ZSWIM2: variants seen among roughly 807,000 people sequenced by gnomAD.
The protein encoded by ZSWIM2 is E3 ubiquitin-protein ligase ZSWIM2.
Under a neutral mutation model 48.4 loss-of-function variants are expected in ZSWIM2, and 38 were observed. The observed-to-expected ratio is 0.79, with a 90% confidence interval of 0.61 to 1.03. The LOEUF (loss-of-function observed/expected upper bound fraction) is 1.03, where lower values mean the gene tolerates loss of function less well. Ranked by LOEUF, ZSWIM2 falls within the 50% of genes least tolerant of loss-of-function variation. The pLI is 0.00. For missense variants in ZSWIM2, 776 were observed against 730.2 expected, an observed-to-expected ratio of 1.06 and a Z score of -0.72; for synonymous variants, 240 against 251.3, an observed-to-expected ratio of 0.96 and a Z score of 0.42.
rs779646591 is a variant in ZSWIM2, at chr2:186,844,732, G to A, written c.268C>T (p.Pro90Ser). The stretch of plus-strand genomic sequence containing the variant: ...CAAAACTTACATTCATGGTTCCTTG[G>A]AAGCTTGAATTTTTTCAACAAGACC... ...CWVLLKKFKL[P>S]RNHESALQLG... Residue 90 changes from proline to serine, a missense_variant, in exon 3 of 9, where the codon CCA becomes TCA. By Grantham distance (74) the Pro-to-Ser change is moderately conservative (BLOSUM62 -1). Transcript: ENST00000295131. The A allele has an allele frequency of 3.2e-6, 5 of 1,557,570 alleles. No individual in the cohort carries two copies. The Admixed American group carries it at 1.0e-4, about 31-fold the overall frequency.
intron 4 of ZSWIM2, 79 bp from the exon 5 acceptor site, chr2:186,837,633 A>G: frequency 2.5e-6 from 1 of 399,382 alleles, no homozygotes; most frequent in Non-Finnish European, 3.5e-6. Flanking sequence ...TATATATTAT[A>G]TATATATTTA....
At chr2:186,841,712 T>C (rs1691905388) in intron 3 of ZSWIM2, among the ~76,000 whole-genome samples, 1 of 151,260 alleles carries the variant, frequency 6.6e-6, no homozygotes, top group African/African-American at 2.4e-5. Context: ...AGAGATTATA[T>C]AGCATGAAAA....
chr2:186,846,703 C>T (rs1372409850), intron 2 of ZSWIM2, among the ~76,000 whole-genome samples: 2 of 151,522 alleles, frequency 1.3e-5, no homozygotes, highest in Admixed American at 6.6e-5. Context: ...GCACTATTCA[C>T]AACAGCAAAG....
Position 186,829,752 on chromosome 2 carries a change from G to A in ZSWIM2, c.1070C>T (p.Thr357Ile), listed in dbSNP as rs1411492801. 2 of 1,613,354 alleles carry A rather than the reference G, an allele frequency of 1.2e-6. No homozygotes were observed. The highest frequency in any genetic ancestry group is 1.7e-6 in the Non-Finnish European group (2 of 1,179,718). ...CLKAFHLGQH[T>I]RLLPCTHKFH... Reference sequence around the variant, plus strand: ...CTTGTGAGTACATGGTAGCAATCTTGTATGTTGACCAAGATGAAATGCCTT... The same window carrying A: ...CTTGTGAGTACATGGTAGCAATCTTATATGTTGACCAAGATGAAATGCCTT... Residue 357 changes from threonine to isoleucine, a missense_variant, in exon 8 of 9, where the codon ACA becomes ATA. Physicochemically the swap from Thr to Ile is moderately conservative, Grantham distance 89. Transcript: ENST00000295131.
rs551740603 is a variant in ZSWIM2 at position 186,839,707 on chromosome 2, C to T, written c.284-538G>A. Among the ~76,000 whole-genome samples the T allele has an allele frequency of 2.0e-5, 3 of 151,830 alleles. No individual in the cohort carries two copies. In the South Asian group the frequency reaches 6.2e-4, roughly 31 times the overall value. On this transcript the variant is annotated intron_variant, in intron 3 of 8. Coordinates refer to ENST00000295131, the MANE Select transcript of ZSWIM2 (RefSeq NM_182521.3). ...CGTGTCTCATTAGTCTTATCCTCAA[C>T]AGATTTGGTCAGTGTTTCTCAGGAC...
intron 2 of ZSWIM2, among the ~76,000 whole-genome samples, chr2:186,847,085 T>C (rs557465202): frequency 2.6e-5 from 4 of 151,990 alleles, no homozygotes; most frequent in African/African-American, 4.8e-5. Flanking sequence ...ATGTTCACTA[T>C]TGGGGTGATT....
rs773455746 is a variant in ZSWIM2, at chr2:186,828,599, A to G, written c.1287T>C (p.Thr429=). ...GTCTATTTTGTTTTAAGACTAATCC[A>G]GTACCAGGAATAAAAAGATCTGGTT... The part of the protein sequence containing the change: ...QKEPDLFIPG[T]GLVLKQNRLG... The change falls in exon 9 of 9, where the codon ACT becomes ACC. Residue 429 remains threonine (T), a synonymous_variant. Coordinates refer to ENST00000295131, the MANE Select transcript of ZSWIM2 (RefSeq NM_182521.3). 4.5e-5 allele frequency: 72 copies of G among 1,612,836 alleles called. No homozygotes were observed. The African/African-American group carries it at 9.4e-4, about 21-fold the overall frequency.
chr2:186,847,218 T>C (rs1195028546), intron 2 of ZSWIM2, among the ~76,000 whole-genome samples: 1 of 152,178 alleles, frequency 6.6e-6, no homozygotes, highest in Non-Finnish European at 1.5e-5. Flanking sequence ...AAGTGATTCA[T>C]AGTCAAATGT....
chr2:186,837,859 T>G (rs1300896146), intron 4 of ZSWIM2, among the ~76,000 whole-genome samples: 1 of 150,990 alleles, frequency 6.6e-6, no homozygotes, highest in Non-Finnish European at 1.5e-5. Context: ...AAAGTGAGAA[T>G]GAATATAGGC....
chr2:186,836,718 T>G (rs1053514332), intron 5 of ZSWIM2, among the ~76,000 whole-genome samples: 2 of 152,148 alleles, frequency 1.3e-5, no homozygotes, highest in Non-Finnish European at 2.9e-5. Flanking sequence ...TAATTTATGT[T>G]TTATCGTGAG....
Position 186,828,406 on chromosome 2 carries a change from G to T in ZSWIM2, c.1480C>A (p.Pro494Thr). ...GTGGGTAAATCTTGAAGATACCTGG[G>T]AAAATGTTGGCTAATTTTATAATCA... ...TYDYKISQHF[P>T]RYLQDLPTVS... The change falls in exon 9 of 9, where the codon CCC becomes ACC. Residue 494 changes from proline to threonine, a missense_variant. Coordinates refer to ENST00000295131, the MANE Select transcript of ZSWIM2 (RefSeq NM_182521.3). The T allele has an allele frequency of 6.2e-7, 1 of 1,613,542 alleles. No individual in the cohort carries two copies. The highest frequency in any genetic ancestry group is 8.5e-7 in the Non-Finnish European group (1 of 1,179,758).
Position 186,828,357 on chromosome 2 carries a change from G to A in ZSWIM2, c.1529C>T (p.Ser510Phe), listed in dbSNP as rs531631995. 1 of 1,613,790 alleles carries A rather than the reference G, an allele frequency of 6.2e-7. No individual in the cohort carries two copies. Among genetic ancestry groups the A allele is most frequent in the Admixed American group, 1.7e-5 (1 of 59,948 alleles). Reference sequence around the variant, plus strand: ...AACAATAGGAGGAAGCAGTGTTTGAGATGGTATTTTCCCAAATGACACAGT... The same window carrying A: ...AACAATAGGAGGAAGCAGTGTTTGAAATGGTATTTTCCCAAATGACACAGT... ...LPTVSFGKIPSQTLLPPIVHK... is the reference protein window; with the variant it reads ...LPTVSFGKIPFQTLLPPIVHK... The change falls in exon 9 of 9, where the codon TCT (serine) becomes TTT (phenylalanine). Residue 510 changes from serine (S) to phenylalanine (F), a missense_variant. Coordinates refer to ENST00000295131, the MANE Select transcript of ZSWIM2 (RefSeq NM_182521.3).
At position 186,848,951 on chromosome 2, in the gene ZSWIM2, A is replaced by G; in HGVS notation, c.165+15T>C. The G allele has an allele frequency of 6.2e-7, 1 of 1,613,566 alleles. No individual in the cohort carries two copies. The highest frequency in any genetic ancestry group is 8.5e-7 in the Non-Finnish European group (1 of 1,179,682). On this transcript the variant is annotated intron_variant, in intron 1 of 8. Transcript: ENST00000295131. ...GGGATGATGGCCAACTGGGGGCGGT[A>G]GGGGCGGTAGTTACTCGGAAATCCA...
At position 186,847,774 on chromosome 2, in the gene ZSWIM2, C is replaced by T. The variant is rs375828960; in HGVS notation, c.187G>A (p.Val63Ile). The T allele has an allele frequency of 8.7e-6, 14 of 1,604,688 alleles. No homozygotes were observed. Among genetic ancestry groups the T allele is most frequent in the South Asian group, 1.1e-5 (1 of 89,370 alleles). Residue 63 changes from valine (V) to isoleucine (I), a missense_variant, in exon 2 of 9, where the codon GTT becomes ATT. Val to Ile is a conservative substitution (Grantham distance 29). Transcript: ENST00000295131. Reference sequence around the variant, plus strand: ...TTCGGAAATGTGGAACAGTTACAAACGTGAGGATTTCCTAGAAAAACCTTT... The same window carrying T: ...TTCGGAAATGTGGAACAGTTACAAATGTGAGGATTTCCTAGAAAAACCTTT... ...DFRVFLGNPH[V>I]CNCSTFPKGG...
chr2:186,833,347 T>C (rs111962582), intron 6 of ZSWIM2, 115 bp from the exon 7 acceptor site: 30 of 502,174 alleles, frequency 6.0e-5, no homozygotes, highest in African/African-American at 3.9e-4. Context: ...ATTTTAAGCA[T>C]ATATATTATT....
At chr2:186,831,242 A>G (rs567015728) in intron 7 of ZSWIM2, among the ~76,000 whole-genome samples, 67 of 152,012 alleles carry the variant, frequency 4.4e-4, no homozygotes, top group Non-Finnish European at 9.4e-4. Flanking sequence ...GTATAGGCTC[A>G]TTTTACGCCC....
chr2:186,839,225 G>T, intron 3 of ZSWIM2, 56 bp from the exon 4 acceptor site: 2 of 1,492,754 alleles, frequency 1.3e-6, no homozygotes, highest in Non-Finnish European at 9.2e-7. Flanking sequence ...GCTACAGAGA[G>T]GTAACAACTT....
At chr2:186,832,705 A>T (rs1691724315) in intron 7 of ZSWIM2, among the ~76,000 whole-genome samples, 1 of 151,968 alleles carries the variant, frequency 6.6e-6, no homozygotes, top group Non-Finnish European at 1.5e-5. Context: ...TTATTTGATT[A>T]CTGAGGAAAC....
intron 3 of ZSWIM2, among the ~76,000 whole-genome samples, chr2:186,842,698 T>C (rs559556895): frequency 1.2e-4 from 18 of 151,548 alleles, no homozygotes; most frequent in Non-Finnish European, 2.2e-4. Context: ...AGAACTGCAC[T>C]GTTGAATATG....
Sources: allele counts gnomAD v4.1 joint callset (sites outside exome capture counted in the v4.1 genomes callset), GRCh38; gene constraint gnomAD v4.1.1; transcripts MANE v1.5; gene names NCBI Gene and HGNC (gene_info 2026-07-23, HGNC 2026-07-21).